PLA2G6: variants seen among roughly 807,000 people sequenced by gnomAD.
PLA2G6 encodes 85/88 kDa calcium-independent phospholipase A2.
PLA2G6 carries 62 observed loss-of-function variants against 83.8 expected under a neutral mutation model. The observed-to-expected ratio is 0.74, with a 90% CI of 0.60 to 0.91. The LOEUF is 0.91. PLA2G6 is among the 40% of genes least tolerant of loss of function. The probability of loss-of-function intolerance (pLI) is 0.00; values close to 1 mark genes in which losing one functional copy is unlikely to be tolerated. For synonymous variants in PLA2G6, 417 were observed against 449.8 expected, an observed-to-expected ratio of 0.93 and a Z score of 0.92; for missense variants, 944 against 1,102.0, an observed-to-expected ratio of 0.86 and a Z score of 2.03.
chr22:38,145,914 C>T (rs1469902075), intron 2 of PLA2G6: 2 of 481,000 alleles, frequency 4.2e-6, no homozygotes, highest in Admixed American at 6.3e-5. Context: ...TGCTCTGTAA[C>T]CCAGGCTGGG....
At chr22:38,129,812 C>A (rs1426689065) in intron 7 of PLA2G6, among the ~76,000 whole-genome samples, 1 of 152,198 alleles carries the variant, frequency 6.6e-6, no homozygotes, top group African/African-American at 2.4e-5. Context: ...CAGGCAGAAA[C>A]TAGAAGTGAC....
intron 6 of PLA2G6, 75 bp downstream of exon 6, chr22:38,134,913 C>T: frequency 9.3e-7 from 1 of 1,078,166 alleles, no homozygotes; most frequent in Non-Finnish European, 1.4e-6. Flanking sequence ...CTCTCGGGAA[C>T]CTGCTTCCTG....
Position 38,111,923 on chromosome 22 carries a change from C to A in PLA2G6, c.*238G>T. On this transcript the variant is annotated 3_prime_UTR_variant, in exon 17 of 17. Coordinates refer to ENST00000332509, the MANE Select transcript of PLA2G6 (RefSeq NM_003560.4). ...TGTCCTTGACAGTCAGGGAAAGGGG[C>A]CAAAGGGGGCTCTAGACTTTCCCAG... The A allele has an allele frequency of 1.7e-6, 1 of 582,198 alleles. No homozygotes were observed. Among genetic ancestry groups the A allele is most frequent in the Non-Finnish European group, 3.1e-6 (1 of 324,986 alleles). The allele number at this position is 582,198 out of a possible 1,614,324, so 36.1% of individuals were successfully genotyped here.
intron 14 of PLA2G6, among the ~76,000 whole-genome samples, chr22:38,114,110 G>A (rs974936467): frequency 3.3e-5 from 5 of 152,110 alleles, no homozygotes; most frequent in Admixed American, 6.5e-5. Context: ...AGCTCAGGCC[G>A]GGAAGCAGCT....
chr22:38,172,845 A>T (rs1269086940), intron 1 of PLA2G6, among the ~76,000 whole-genome samples: 1 of 152,124 alleles, frequency 6.6e-6, no homozygotes, highest in African/African-American at 2.4e-5. Context: ...TGTACCCCCC[A>T]CCAGAGCCTG....
intron 2 of PLA2G6, chr22:38,148,316 G>C (rs1878567967): frequency 1.7e-6 from 1 of 572,038 alleles, no homozygotes; most frequent in Admixed American, 3.1e-5. Flanking sequence ...AGTGTAATCA[G>C]GCATTTGAAT....
intron 2 of PLA2G6, chr22:38,147,580 AC>A (rs1274396158): frequency 8.0e-6 from 1 of 125,300 alleles, no homozygotes; most frequent in East Asian, 2.4e-4. Flanking sequence ...TCACTCTGTT[AC>A]CCAGGCTGGA....
chr22:38,140,402 G>C, intron 4 of PLA2G6: 1 of 489,310 alleles, frequency 2.0e-6, no homozygotes, highest in Non-Finnish European at 3.8e-6. Context: ...CAGCTACTCA[G>C]GAACCTGAGG....
In PLA2G6 at chr22:38,132,739, G is replaced by GGGA. The variant is rs1253266845; in HGVS notation, c.1077+89_1077+91dup. 7 of 1,122,452 alleles carry GGGA rather than the reference G, an allele frequency of 6.2e-6. No homozygotes were observed. The African/African-American group carries it at 1.1e-4, about 17-fold the overall frequency. 69.5% of individuals were successfully genotyped at this position (1,122,452 alleles called of 1,614,324 possible). A position where few individuals can be genotyped will look rare whatever the true frequency, so the allele number is the denominator to read the frequency against. Reference sequence around the variant, plus strand: ...TGATTTGGAGCAGCTGACGATAGGAGGGAGACAGTGGGGAGGAGGGCTCCA... The same window carrying GGGA: ...TGATTTGGAGCAGCTGACGATAGGAGGGAGGAGACAGTGGGGAGGAGGGCTCCA... On this transcript the variant is annotated intron_variant, in intron 7 of 16. Transcript: ENST00000332509. This position sits in a 1 kb window ranked among gnomAD's most constrained non-coding sequence, Gnocchi z 5.0.
intron 5 of PLA2G6, chr22:38,139,415 T>TTTTATTTACTTATTTA (rs2088753895): frequency 1.4e-5 from 2 of 147,342 alleles, no homozygotes. Flanking sequence ...ATAAATTTAT[T>TTTTATTTACTTATTTA]TTTATTTATT....
At chr22:38,170,214 A>AT (rs2090386184) in intron 1 of PLA2G6, among the ~76,000 whole-genome samples, 1 of 149,230 alleles carries the variant, frequency 6.7e-6, no homozygotes, top group Non-Finnish European at 1.5e-5. Context: ...AAAAAAAAAA[A>AT]GAGGCCAGCA....
chr22:38,141,275 G>C (rs1602166296), intron 4 of PLA2G6: 1 of 152,086 alleles, frequency 6.6e-6, no homozygotes, highest in South Asian at 2.1e-4. Flanking sequence ...AGGATCACCT[G>C]AGTCCAGGAG....
chr22:38,137,128 T>C (rs2088603782), intron 5 of PLA2G6: 1 of 152,252 alleles, frequency 6.6e-6, no homozygotes, highest in Non-Finnish European at 1.5e-5. Flanking sequence ...TGGGACAGCG[T>C]TAGTGTTCAG....
intron 12 of PLA2G6, among the ~76,000 whole-genome samples, chr22:38,117,413 T>C (rs1201026012): frequency 6.6e-6 from 1 of 151,990 alleles, no homozygotes; most frequent in Admixed American, 6.6e-5. Flanking sequence ...TTCACTGTGG[T>C]CTTGATCTCC....
chr22:38,129,560 T>C lies in PLA2G6; in HGVS notation c.1080A>G (p.Lys360=). Residue 360 remains lysine (K), a splice_region_variant and synonymous_variant, in exon 8 of 17, where the codon AAA becomes AAG. Coordinates refer to ENST00000332509, the MANE Select transcript of PLA2G6 (RefSeq NM_003560.4). ...GNTPLHLAMS[K]DNVEMIKALI... ...GGGCCTTGATCATCTCCACGTTGTC[T>C]TTCTGTTGGAGATGGAGAGAGGATA... 1.2e-6 allele frequency: 2 copies of C among 1,611,620 alleles called. No individual in the cohort carries two copies. Among genetic ancestry groups the C allele is most frequent in the Non-Finnish European group, 8.5e-7 (1 of 1,177,756 alleles).
At chr22:38,158,281 C>T (rs1239920009) in intron 2 of PLA2G6, among the ~76,000 whole-genome samples, 1 of 151,234 alleles carries the variant, frequency 6.6e-6, no homozygotes, top group South Asian at 2.1e-4. Flanking sequence ...GTGATTCTCC[C>T]GCTTCAGCCT....
Position 38,162,666 on chromosome 22 carries a change from T to C in PLA2G6, c.209+6552A>G, listed in dbSNP as rs2090065024. ...GGCAACGCTGAGTCAGGGGCTCACA[T>C]CTTTGAGGATGTGGGGGAGCACCCC... On this transcript the variant is annotated intron_variant, in intron 2 of 16. Coordinates refer to ENST00000332509, the MANE Select transcript of PLA2G6 (RefSeq NM_003560.4). 2.0e-5 allele frequency among the ~76,000 whole-genome samples: 3 copies of C among 152,068 alleles called. No homozygotes were observed. In the South Asian group the frequency reaches 6.2e-4, roughly 32 times the overall value.
At chr22:38,166,075 G>A (rs1412512578) in intron 2 of PLA2G6, among the ~76,000 whole-genome samples, 1 of 152,170 alleles carries the variant, frequency 6.6e-6, no homozygotes, top group African/African-American at 2.4e-5. Flanking sequence ...AAGCGAGCCA[G>A]CAGCAAGACG....
chr22:38,145,227 G>A, intron 3 of PLA2G6: 1 of 616,878 alleles, frequency 1.6e-6, no homozygotes, highest in East Asian at 2.8e-5. Flanking sequence ...ACAAGGTCTT[G>A]CTATTTTGCC....
Sources: gnomAD v4.1 joint callset for allele counts (sites outside exome capture counted in the v4.1 genomes callset) on GRCh38, gnomAD v4.1.1 for gene constraint, Gnocchi (gnomAD v3.1) non-coding constraint, MANE v1.5 for transcripts, NCBI Gene and HGNC (gene_info 2026-07-23, HGNC 2026-07-21) for gene names.